MRPS28: variants seen among roughly 807,000 people sequenced by gnomAD.
The protein encoded by MRPS28 is small ribosomal subunit protein bS1m.
Under a neutral mutation model 10.8 loss-of-function variants are expected in MRPS28, and 7 were observed. The observed-to-expected ratio is 0.65, with a 90% confidence interval of 0.37 to 1.22. The LOEUF is 1.22. MRPS28 is among the 50% of genes most tolerant of loss of function. MRPS28 has a pLI of 0.02. For missense variants in MRPS28, 265 were observed against 232.9 expected, an observed-to-expected ratio of 1.14 and a Z score of -0.90; for synonymous variants, 121 against 93.3, an observed-to-expected ratio of 1.30 and a Z score of -1.71.
At chr8:80,022,940 C>CA (rs1356160366) in intron 1 of MRPS28, among the ~76,000 whole-genome samples, 6 of 152,024 alleles carry the variant, frequency 3.9e-5, no homozygotes, top group African/African-American at 1.4e-4. Context: ...TATGACCACC[C>CA]AAAAACAAAA....
chr8:79,990,414 G>A (rs58292485), intron 2 of MRPS28, among the ~76,000 whole-genome samples: 6 of 152,034 alleles, frequency 3.9e-5, no homozygotes, highest in Non-Finnish European at 8.8e-5. Flanking sequence ...AACAGTCTCA[G>A]AACTGGTCTT....
chr8:79,972,562 A>C (rs1807663156), intron 2 of MRPS28, among the ~76,000 whole-genome samples: 1 of 152,346 alleles, frequency 6.6e-6, no homozygotes, highest in Non-Finnish European at 1.5e-5. Context: ...GGGAACTGCC[A>C]AACTGTCTTT....
intron 2 of MRPS28, among the ~76,000 whole-genome samples, chr8:79,954,855 G>A (rs1045672677): frequency 9.2e-5 from 14 of 152,088 alleles, no homozygotes; most frequent in Non-Finnish European, 1.9e-4. Context: ...TGGAAGCTTG[G>A]CTGGGTGCAG....
At chr8:79,990,142 C>CAA (rs1225611890) in intron 2 of MRPS28, among the ~76,000 whole-genome samples, 1 of 152,160 alleles carries the variant, frequency 6.6e-6, no homozygotes, top group Admixed American at 6.5e-5. Context: ...ACCTGGGTGA[C>CAA]AGAGTGAGAT....
chr8:79,998,894 C>G (rs568764280), intron 2 of MRPS28, among the ~76,000 whole-genome samples: 1 of 152,100 alleles, frequency 6.6e-6, no homozygotes, highest in African/African-American at 2.4e-5. Flanking sequence ...AAATGCCAAA[C>G]TTACTTATTA....
chr8:79,974,003 A>G (rs989393526), intron 2 of MRPS28, among the ~76,000 whole-genome samples: 1 of 152,040 alleles, frequency 6.6e-6, no homozygotes, highest in African/African-American at 2.4e-5. Context: ...CCTCGGCCTC[A>G]CAAAGTGTTG....
intron 2 of MRPS28, among the ~76,000 whole-genome samples, chr8:79,928,869 A>T (rs1382828377): frequency 6.6e-6 from 1 of 151,860 alleles, no homozygotes; most frequent in African/African-American, 2.4e-5. Context: ...CACATAGTGA[A>T]ACCCTGTCTC....
chr8:80,017,580 T>C (rs1360800202), intron 1 of MRPS28, among the ~76,000 whole-genome samples: 1 of 152,212 alleles, frequency 6.6e-6, no homozygotes, highest in South Asian at 2.1e-4. Flanking sequence ...TAGGCCTATG[T>C]CTATTAAAGA....
At chr8:79,981,038 T>C (rs904571200) in intron 2 of MRPS28, among the ~76,000 whole-genome samples, 1 of 152,166 alleles carries the variant, frequency 6.6e-6, no homozygotes, top group Non-Finnish European at 1.5e-5. Context: ...GCTTTAAAAA[T>C]TCATGCTGGG....
intron 2 of MRPS28, among the ~76,000 whole-genome samples, chr8:79,921,904 A>G (rs976317491): frequency 6.6e-6 from 1 of 152,206 alleles, no homozygotes; most frequent in South Asian, 2.1e-4. Flanking sequence ...ATTCAGTATG[A>G]TATTGGCTGT....
chr8:80,011,140 T>A (rs556746820), intron 1 of MRPS28, among the ~76,000 whole-genome samples: 63 of 146,814 alleles, frequency 4.3e-4, no homozygotes, highest in African/African-American at 1.1e-3. Flanking sequence ...TTTTTATTTT[T>A]ATTTTTTTTT....
At chr8:79,955,881 A>G (rs1807194229) in intron 2 of MRPS28, among the ~76,000 whole-genome samples, 1 of 152,200 alleles carries the variant, frequency 6.6e-6, no homozygotes, top group African/African-American at 2.4e-5. Context: ...GGACAGTACT[A>G]AAAATGTTTC....
rs561667460 is a variant in MRPS28 at position 79,979,617 on chromosome 8, G to A, written c.395+23382C>T. ...CAGCTCACTCCAGCTGCAACCTTCC[G>A]GGCTCAAGAAATCCTCCTGCCTCAG... On this transcript the variant is annotated intron_variant, in intron 2 of 2. Transcript: ENST00000276585. 1.2e-4 allele frequency among the ~76,000 whole-genome samples: 19 copies of A among 152,060 alleles called. No individual in the cohort carries two copies. The East Asian group carries it at 2.3e-3, about 19-fold the overall frequency.
At chr8:80,029,634 T>A in intron 1 of MRPS28, 2 of 835,510 alleles carry the variant, frequency 2.4e-6, no homozygotes, top group East Asian at 1.2e-4. Context: ...GACAGCAAGC[T>A]CCATGCTAGA....
At chr8:79,957,564 A>C (rs1168370360) in intron 2 of MRPS28, among the ~76,000 whole-genome samples, 7 of 151,818 alleles carry the variant, frequency 4.6e-5, no homozygotes, top group Non-Finnish European at 8.8e-5. Context: ...AAAAAAAAAA[A>C]AAACTTAGTG....
intron 1 of MRPS28, among the ~76,000 whole-genome samples, chr8:80,012,653 T>C (rs1159471314): frequency 6.6e-6 from 1 of 152,230 alleles, no homozygotes; most frequent in Non-Finnish European, 1.5e-5. Context: ...CAGTTGGTCA[T>C]AGAGATCAGA....
At chr8:79,920,112 A>G (rs1227109755) in intron 2 of MRPS28, among the ~76,000 whole-genome samples, 1 of 152,100 alleles carries the variant, frequency 6.6e-6, no homozygotes, top group African/African-American at 2.4e-5. Context: ...CCTACAAAGG[A>G]CATGAACTCA....
intron 1 of MRPS28, among the ~76,000 whole-genome samples, chr8:80,018,706 G>A (rs11994343): frequency 6.6e-6 from 1 of 152,176 alleles, no homozygotes; most frequent in Non-Finnish European, 1.5e-5. Flanking sequence ...GTTTGCTGTA[G>A]CTCTGTTCAC....
intron 2 of MRPS28, among the ~76,000 whole-genome samples, chr8:79,991,665 T>C (rs1562985): frequency 0.74 from 112,397 of 152,170 alleles, 41,709 homozygotes; most frequent in East Asian, 0.85. Flanking sequence ...CTTGCTGTCA[T>C]ATATTTTGTG....
Sources: allele counts gnomAD v4.1 joint callset (sites outside exome capture counted in the v4.1 genomes callset), GRCh38; gene constraint gnomAD v4.1.1; transcripts MANE v1.5; gene names NCBI Gene and HGNC (gene_info 2026-07-23, HGNC 2026-07-21).